Variants in WASHC2C observed in about 807,000 individuals in gnomAD.
WASHC2C encodes Vaccinia Penetration Factor.
Under a neutral mutation model 142.2 loss-of-function variants are expected in WASHC2C, and 73 were observed. That is an observed-to-expected ratio of 0.51 (90% confidence interval 0.43 to 0.62). WASHC2C has a LOEUF of 0.62. Ranked by LOEUF, WASHC2C falls within the 20% of genes least tolerant of loss-of-function variation. The pLI is 0.00. For synonymous variants in WASHC2C, 337 were observed against 565.5 expected (o/e 0.60, Z 5.73); for missense variants, 969 against 1,531.7 (o/e 0.63, Z 6.13).
chr10:45,769,684 C>G, intron 20 of WASHC2C, 66 bp downstream of exon 20: 3 of 1,605,578 alleles, frequency 1.9e-6, no homozygotes, highest in Non-Finnish European at 2.6e-6. Context: ...GAATCTGATG[C>G]ACAATCTAGT....
chr10:45,749,454 A>C (rs551253721), intron 8 of WASHC2C, among the ~76,000 whole-genome samples: 1 of 150,916 alleles, frequency 6.6e-6, no homozygotes, highest in South Asian at 2.1e-4. Flanking sequence ...ATAAATAAAA[A>C]TATTTCTCTA....
intron 23 of WASHC2C, among the ~76,000 whole-genome samples, chr10:45,779,983 CAAA>C (rs1212129330): frequency 1.4e-5 from 1 of 68,988 alleles, no homozygotes. Flanking sequence ...GACTCCATCT[CAAA>C]AAAAAAAAAA....
chr10:45,736,331 A>G (rs552587339), intron 3 of WASHC2C, among the ~76,000 whole-genome samples: 615 of 136,514 alleles, frequency 4.5e-3, no homozygotes, highest in Admixed American at 9.4e-3. Context: ...GCGTGAACCC[A>G]GGAGGCAGAG....
intron 11 of WASHC2C, among the ~76,000 whole-genome samples, chr10:45,751,758 A>G (rs1488485277): frequency 6.6e-6 from 1 of 152,146 alleles, no homozygotes; most frequent in East Asian, 1.9e-4. Flanking sequence ...CGGGTGGATC[A>G]TGAGGTCAGG....
Position 45,788,880 on chromosome 10 carries a change from A to G in WASHC2C, c.3097A>G (p.Lys1033Glu). The change falls in exon 29 of 31, where the codon AAG becomes GAG. Residue 1033 changes from lysine (K) to glutamate (E), a missense_variant. Lys to Glu is a moderately conservative substitution (Grantham distance 56). Coordinates refer to ENST00000623400, the MANE Select transcript of WASHC2C (RefSeq NM_001330074.2). Reference sequence around the variant, plus strand: ...TTTTTTGCCGTTGCAGAGCCGTGTCAAGATGAGAGGGAAGCGTAGACCGCA... The same window carrying G: ...TTTTTTGCCGTTGCAGAGCCGTGTCGAGATGAGAGGGAAGCGTAGACCGCA... ...TLHSANKSRV[K>E]MRGKRRPQTR... 1 of 1,612,004 alleles carries G rather than the reference A, an allele frequency of 6.2e-7. No individual in the cohort carries two copies. The highest frequency in any genetic ancestry group is 8.5e-7 in the Non-Finnish European group (1 of 1,179,870).
Position 45,792,291 on chromosome 10 carries a change from A to G in WASHC2C, c.3917A>G (p.Lys1306Arg), listed in dbSNP as rs2058437061. The change falls in exon 31 of 31, where the codon AAG becomes AGG. Residue 1306 changes from lysine to arginine, a missense_variant. Coordinates refer to ENST00000623400, the MANE Select transcript of WASHC2C (RefSeq NM_001330074.2). ...ATCTTCTCCACTGGTATCCAGGCTA[A>G]GACAACCAAACCAAAAAGCCGATCT... ...DDIFSTGIQAKTTKPKSRSAQ... is the reference protein window; with the variant it reads ...DDIFSTGIQARTTKPKSRSAQ... The G allele has an allele frequency of 6.4e-7, 1 of 1,564,006 alleles. No homozygotes were observed.
intron 3 of WASHC2C, among the ~76,000 whole-genome samples, chr10:45,731,763 CT>C (rs1185500504): frequency 6.7e-6 from 1 of 149,266 alleles, no homozygotes; most frequent in African/African-American, 2.5e-5. Flanking sequence ...AAAAAATATA[CT>C]TGCTGATATA....
At chr10:45,782,587 A>G (rs2135630010) in intron 23 of WASHC2C, among the ~76,000 whole-genome samples, 1 of 151,028 alleles carries the variant, frequency 6.6e-6, no homozygotes, top group South Asian at 2.1e-4. Flanking sequence ...AAGCTACCAC[A>G]CAATCCGGAA....
intron 3 of WASHC2C, among the ~76,000 whole-genome samples, chr10:45,731,334 C>T (rs1281255196): frequency 7.7e-6 from 1 of 130,000 alleles, no homozygotes; most frequent in Non-Finnish European, 1.6e-5. Context: ...AATTCTCCTG[C>T]CCACACCTCC....
rs2805246 is a variant in WASHC2C at position 45,789,121 on chromosome 10, C to A, written c.3338C>A (p.Thr1113Lys). ...WEGGPVPGVD[T>K]SPFAKSLGHS... ...GGTGGTCCTGTGCCTGGAGTGGACA[C>A]AAGCCCCTTTGCAAAGTCTCTGGGT... Residue 1113 changes from threonine to lysine, a missense_variant, in exon 29 of 31, where the codon ACA (threonine) becomes AAA (lysine). By Grantham distance (78) the Thr-to-Lys change is moderately conservative. Coordinates refer to ENST00000623400, the MANE Select transcript of WASHC2C (RefSeq NM_001330074.2). The A allele has an allele frequency of 1.2e-6, 2 of 1,612,074 alleles. No individual in the cohort carries two copies. Among genetic ancestry groups the A allele is most frequent in the East Asian group, 4.5e-5 (2 of 44,890 alleles).
chr10:45,742,419 A>C (rs1243789413), intron 5 of WASHC2C, among the ~76,000 whole-genome samples: 4 of 151,820 alleles, frequency 2.6e-5, no homozygotes, highest in Non-Finnish European at 4.4e-5. Flanking sequence ...GGTTCAAGAG[A>C]TTCTCCTGTC....
intron 8 of WASHC2C, among the ~76,000 whole-genome samples, chr10:45,748,085 C>T (rs560623878): frequency 2.9e-3 from 368 of 125,386 alleles, no homozygotes; most frequent in Non-Finnish European, 4.3e-3. Flanking sequence ...AATTTCTTAA[C>T]TGGGAAATAT....
intron 11 of WASHC2C, 78 bp downstream of exon 11, chr10:45,751,631 T>G (rs1415480359): frequency 3.0e-6 from 2 of 664,820 alleles, no homozygotes; most frequent in Non-Finnish European, 5.3e-6. Context: ...CATGAAGTAC[T>G]GCTTTACATG....
intron 19 of WASHC2C, among the ~76,000 whole-genome samples, chr10:45,768,660 G>A (rs1301775667): frequency 3.9e-5 from 6 of 152,150 alleles, no homozygotes; most frequent in Non-Finnish European, 8.8e-5. Context: ...CAGACTTGTG[G>A]TAAAAGGATT....
chr10:45,762,042 G>T (rs1180228876), intron 17 of WASHC2C, among the ~76,000 whole-genome samples: 7 of 150,868 alleles, frequency 4.6e-5, no homozygotes, highest in African/African-American at 1.7e-4. Flanking sequence ...AGAGGTCTTA[G>T]AAATATCTTC....
intron 4 of WASHC2C, 142 bp from the exon 5 acceptor site, chr10:45,739,930 GC>G (rs2051793336): frequency 4.0e-6 from 1 of 252,576 alleles, no homozygotes; most frequent in Admixed American, 5.4e-5. Context: ...CTGTGTCAAG[GC>G]ATTCAGCAGA....
chr10:45,741,762 G>A (rs1332217597), intron 5 of WASHC2C, among the ~76,000 whole-genome samples: 1 of 151,464 alleles, frequency 6.6e-6, no homozygotes, highest in Non-Finnish European at 1.5e-5. Context: ...AGTGGAGGTA[G>A]GAGGCTGTGC....
intron 11 of WASHC2C, 138 bp downstream of exon 11, chr10:45,751,691 C>T: frequency 1.3e-6 from 2 of 1,522,628 alleles, no homozygotes; most frequent in Non-Finnish European, 1.8e-6. Context: ...TTTCTAAAGC[C>T]TCTGGGCTGG....
chr10:45,752,134 A>T (rs2596964), intron 11 of WASHC2C, among the ~76,000 whole-genome samples: 3,057 of 136,086 alleles, frequency 0.022, 82 homozygotes, highest in Admixed American at 0.081. Context: ...TAGGAATCTC[A>T]AGCATTTGTT....
Sources: allele counts gnomAD v4.1 joint callset (sites outside exome capture counted in the v4.1 genomes callset), GRCh38; gene constraint gnomAD v4.1.1; transcripts MANE v1.5; gene names NCBI Gene and HGNC (gene_info 2026-07-23, HGNC 2026-07-21).